Variants in PAX3 observed in about 807,000 individuals in gnomAD.
The protein encoded by PAX3 is paired box 3.
Under a neutral mutation model 51.6 loss-of-function variants are expected in PAX3, and 14 were observed. The ratio of observed to expected loss-of-function variants is 0.27; its 90% CI spans 0.18 to 0.42. The LOEUF is 0.42. PAX3 is among the 10% of genes least tolerant of loss of function. PAX3 has a pLI of 1.00. For synonymous variants in PAX3, 280 were observed against 253.4 expected (o/e 1.11, Z -1.00); for missense variants, 540 against 642.8 (o/e 0.84, Z 1.73).
In PAX3 at chr2:222,220,362, G is replaced by A. The variant is rs2106072482; in HGVS notation, c.959-8C>T. 2 of 1,613,400 alleles carry A rather than the reference G, an allele frequency of 1.2e-6. No individual in the cohort carries two copies. Among genetic ancestry groups the A allele is most frequent in the Non-Finnish European group, 1.7e-6 (2 of 1,179,410 alleles). The stretch of plus-strand genomic sequence containing the variant: ...TGCTGGGATCTGACACAGCTGAAAT[G>A]AAAAAGATTGTCAACCATCATGTTT... On this transcript the variant is annotated splice_region_variant and splice_polypyrimidine_tract_variant and intron_variant, in intron 6 of 8. Transcript: ENST00000392070.
chr2:222,231,893 G>C (rs185894147), intron 5 of PAX3, among the ~76,000 whole-genome samples, 185 bp downstream of exon 5: 74 of 152,294 alleles, frequency 4.9e-4, no homozygotes, highest in Non-Finnish European at 9.4e-4. Flanking sequence ...GTGGACTTCT[G>C]TGTGTCGTAA....
At position 222,297,140 on chromosome 2, in the gene PAX3, G is replaced by GCGTTTGTACCC; in HGVS notation, c.158_159insGGGTACAAACG (p.Asn53LysfsTer61). On this transcript the variant is annotated frameshift_variant, in exon 2 of 9. Transcript: ENST00000392070. LOFTEE classifies it high-confidence loss of function. ...TCTCCACGATCTTGTGGCGGATGTG[G>GCGTTTGTACCC]TTGGGCAGCGGCCTGCCGTTGATAA... 6.2e-7 allele frequency: 1 copy of GCGTTTGTACCC among 1,608,236 alleles called. No individual in the cohort carries two copies.
At chr2:222,293,950 T>C (rs916444424) in intron 4 of PAX3, 4 of 1,527,860 alleles carry the variant, frequency 2.6e-6, no homozygotes, top group Admixed American at 2.3e-5. Context: ...AAGAAAGATT[T>C]ACAAAACAGA....
chr2:222,212,435 A>G (rs920516041), intron 7 of PAX3, among the ~76,000 whole-genome samples: 2 of 152,132 alleles, frequency 1.3e-5, no homozygotes, highest in Non-Finnish European at 2.9e-5. Flanking sequence ...ACTGTCCCCA[A>G]ACGTCTCCCA....
At chr2:222,272,144 T>C (rs1694274841) in intron 4 of PAX3, among the ~76,000 whole-genome samples, 2 of 151,994 alleles carry the variant, frequency 1.3e-5, no homozygotes, top group African/African-American at 4.8e-5. Context: ...CCACTGTTTA[T>C]CCCAGTTAGG....
intron 2 of PAX3, 129 bp downstream of exon 2, chr2:222,296,849 C>T (rs1695324807): frequency 1.1e-5 from 9 of 794,698 alleles, no homozygotes; most frequent in Non-Finnish European, 1.9e-5. Context: ...CGCGCCTTTA[C>T]GCACCTTCAC....
intron 7 of PAX3, among the ~76,000 whole-genome samples, chr2:222,203,189 T>C (rs1320806824): frequency 1.3e-5 from 2 of 150,880 alleles, no homozygotes; most frequent in Non-Finnish European, 3.0e-5. Context: ...CAGATCAACA[T>C]GGTGAAGTGC....
chr2:222,283,767 G>A (rs1260200188), intron 4 of PAX3, among the ~76,000 whole-genome samples: 1 of 152,268 alleles, frequency 6.6e-6, no homozygotes, highest in African/African-American at 2.4e-5. Context: ...CGAAGCCTAA[G>A]CCGCAACAGC....
At chr2:222,264,506 A>T (rs964928559) in intron 4 of PAX3, 2 of 152,238 alleles carry the variant, frequency 1.3e-5, no homozygotes, top group Non-Finnish European at 2.9e-5. Context: ...ACCAAATGCC[A>T]TTGAATTGTT....
At chr2:222,245,342 G>A (rs1288669683) in intron 4 of PAX3, among the ~76,000 whole-genome samples, 3 of 152,154 alleles carry the variant, frequency 2.0e-5, no homozygotes, top group African/African-American at 4.8e-5. Context: ...TATTTGCTTG[G>A]AGGCAAATTC....
At chr2:222,218,180 C>A (rs1350306680) in intron 7 of PAX3, among the ~76,000 whole-genome samples, 1 of 152,024 alleles carries the variant, frequency 6.6e-6, no homozygotes, top group Non-Finnish European at 1.5e-5. Flanking sequence ...AGGAAAAATG[C>A]CTATGGAATT....
At chr2:222,204,024 A>G (rs1039788305) in intron 7 of PAX3, among the ~76,000 whole-genome samples, 16 of 152,336 alleles carry the variant, frequency 1.1e-4, no homozygotes, top group Admixed American at 8.5e-4. Flanking sequence ...TTTGAAAGAC[A>G]TCCCAGGAAT....
chr2:222,202,200 C>T lies in PAX3; in HGVS notation c.1174-10G>A, dbSNP rs2855268. ...TCAGGAGTCCCATTACCTAAAAAAA[C>T]AGCCAGATTGGGAAGAGGTTAAAAT... On this transcript the variant is annotated splice_polypyrimidine_tract_variant and intron_variant, in intron 7 of 8. Transcript: ENST00000392070. 2.6e-6 allele frequency: 4 copies of T among 1,567,350 alleles called. No individual in the cohort carries two copies. In the Admixed American group the frequency reaches 7.3e-5, roughly 29 times the overall value.
At chr2:222,292,497 C>T (rs1042355561) in intron 4 of PAX3, among the ~76,000 whole-genome samples, 29 of 152,212 alleles carry the variant, frequency 1.9e-4, no homozygotes, top group Admixed American at 1.5e-3. Flanking sequence ...GACGTTTTGT[C>T]TCCTGGGCCT....
chr2:222,294,751 T>G (rs1695195190), intron 3 of PAX3, among the ~76,000 whole-genome samples: 1 of 115,136 alleles, frequency 8.7e-6, no homozygotes, highest in African/African-American at 3.0e-5. Context: ...AAAGCCGACT[T>G]GTCCGCGCCC....
intron 7 of PAX3, among the ~76,000 whole-genome samples, chr2:222,215,137 G>A (rs1040957421): frequency 1.3e-5 from 2 of 152,080 alleles, no homozygotes; most frequent in African/African-American, 4.8e-5. Context: ...TGTAGGAAAG[G>A]CTCAGAAAGC....
chr2:222,201,278 C>G lies in PAX3; in HGVS notation c.*130G>C, dbSNP rs747597243. 2 of 1,613,480 alleles carry G rather than the reference C, an allele frequency of 1.2e-6. No homozygotes were observed. Among genetic ancestry groups the G allele is most frequent in the Admixed American group, 1.7e-5 (1 of 59,940 alleles). On this transcript the variant is annotated 3_prime_UTR_variant, in exon 9 of 9. Transcript: ENST00000392070. ...GAAAATCAATCACTCTCCTTTGTCT[C>G]CTATTGGGACCACTGCCCCACCCCC...
intron 4 of PAX3, among the ~76,000 whole-genome samples, chr2:222,280,760 A>G (rs1027889920): frequency 3.3e-5 from 5 of 152,230 alleles, no homozygotes; most frequent in African/African-American, 1.2e-4. Context: ...AATCCAAAGT[A>G]GAACAGGCCT....
At chr2:222,293,798 T>G in intron 4 of PAX3, 1 of 1,614,128 alleles carries the variant, frequency 6.2e-7, no homozygotes, top group Non-Finnish European at 8.5e-7. Context: ...AAGATTCAAG[T>G]ACCCTCTATC....
Sources: allele counts gnomAD v4.1 joint callset (sites outside exome capture counted in the v4.1 genomes callset), GRCh38; gene constraint gnomAD v4.1.1; transcripts MANE v1.5; gene names NCBI Gene and HGNC (gene_info 2026-07-23, HGNC 2026-07-21).